Variants in GALNT10 observed in about 807,000 individuals in gnomAD.
GALNT10 encodes the protein GalNAc transferase 10.
GALNT10 carries 41 observed loss-of-function variants against 75.0 expected under a neutral mutation model. The observed-to-expected ratio is 0.55, with a 90% CI of 0.43 to 0.71. The LOEUF (loss-of-function observed/expected upper bound fraction) is 0.71, where lower values mean the gene tolerates loss of function less well. Ranked by LOEUF, GALNT10 falls within the 30% of genes least tolerant of loss-of-function variation. The pLI is 0.00. For missense variants in GALNT10, 727 were observed against 818.5 expected (o/e 0.89, Z 1.36); for synonymous variants, 302 against 313.0 (o/e 0.96, Z 0.37).
rs115150831 is a variant in GALNT10, at chr5:154,407,575, T to G, written c.1165-1966T>G. On this transcript the variant is annotated intron_variant, in intron 8 of 11. Transcript: ENST00000297107. ...TCAGAGTGTCCAGACTTGTTTTCAG[T>G]TGGAGTGAAACTACCCTCATTACCT... is the stretch of plus-strand genomic sequence containing the variant. Among the ~76,000 whole-genome samples, 21 of 152,292 alleles carry G rather than the reference T, an allele frequency of 1.4e-4. No individual in the cohort carries two copies. In the East Asian group the frequency reaches 4.0e-3, roughly 29 times the overall value.
rs544571278 is a variant in GALNT10 at position 154,324,831 on chromosome 5, A to C, written c.402-4741A>C. On this transcript the variant is annotated intron_variant, in intron 3 of 11. Coordinates refer to ENST00000297107, the MANE Select transcript of GALNT10 (RefSeq NM_198321.4). ...CCTCCTCTTATTCCTCTTCTGAACTAAAGCTAAATCATAGAGTTTATTGAA... is the reference window on the plus strand; with the variant it reads ...CCTCCTCTTATTCCTCTTCTGAACTCAAGCTAAATCATAGAGTTTATTGAA... Among the ~76,000 whole-genome samples, 185 of 152,322 alleles carry C rather than the reference A, an allele frequency of 1.2e-3. 1 individual carries two copies. The highest frequency in any genetic ancestry group is 4.2e-3 in the African/African-American group (175 of 41,576).
chr5:154,241,119 G>A (rs908425471), intron 1 of GALNT10, among the ~76,000 whole-genome samples: 4 of 152,144 alleles, frequency 2.6e-5, no homozygotes, highest in East Asian at 1.9e-4. Flanking sequence ...TGTCATTCTC[G>A]CTTTTGACTG....
chr5:154,316,615 C>T (rs957337686), intron 3 of GALNT10, among the ~76,000 whole-genome samples: 1 of 152,198 alleles, frequency 6.6e-6, no homozygotes, highest in African/African-American at 2.4e-5. Flanking sequence ...TTGCTTGTCC[C>T]CCACAACCCT....
At chr5:154,229,767 C>T (rs13163017) in intron 1 of GALNT10, among the ~76,000 whole-genome samples, 6,981 of 152,028 alleles carry the variant, frequency 0.046, 230 homozygotes, top group African/African-American at 0.099. Context: ...CATGCAATCA[C>T]GGACCAGGAC....
At chr5:154,248,995 A>G (rs189158687) in intron 1 of GALNT10, among the ~76,000 whole-genome samples, 6 of 152,364 alleles carry the variant, frequency 3.9e-5, no homozygotes, top group Admixed American at 2.6e-4. Context: ...TGGTTTTGAA[A>G]GAGCTCTCAG....
rs70978542 is a variant in GALNT10, at chr5:154,416,480, T to TACACACACACAC, written c.1654-307_1654-296dup. On this transcript the variant is annotated intron_variant, in intron 11 of 11. Transcript: ENST00000297107. This position sits in a 1 kb window ranked among gnomAD's most constrained non-coding sequence, Gnocchi z 4.5. ...AAATAAAAGATAAAAGGAAAGCACA[T>TACACACACACAC]ACACACACACACACACACACACACA... Among the ~76,000 whole-genome samples the TACACACACACAC allele has an allele frequency of 0.051, 7,190 of 141,822 alleles. 288 individuals carry two copies. The highest frequency in any genetic ancestry group is 0.082 in the East Asian group (395 of 4,824). 93.0% of individuals were successfully genotyped at this position (141,822 alleles called of 152,430 possible).
At chr5:154,382,408 C>T (rs1242878919) in intron 6 of GALNT10, among the ~76,000 whole-genome samples, 1 of 152,244 alleles carries the variant, frequency 6.6e-6, no homozygotes, top group African/African-American at 2.4e-5. Context: ...GCCATGATCA[C>T]ATTATGCAGT....
In GALNT10 at chr5:154,329,727, TCA is replaced by T; in HGVS notation, c.558_559del (p.Phe186LeufsTer2). On this transcript the variant is annotated frameshift_variant, in exon 4 of 12. Transcript: ENST00000297107. LOFTEE classifies it high-confidence loss of function. Reference sequence around the variant, plus strand: ...GCCGAGATTGTACTGGTCGACGACTTCAGTGATCGAGGTAGGATCCGTCCCAC... The same window carrying T: ...GCCGAGATTGTACTGGTCGACGACTTGTGATCGAGGTAGGATCCGTCCCAC... 1 of 1,612,986 alleles carries T rather than the reference TCA, an allele frequency of 6.2e-7. No homozygotes were observed. Among genetic ancestry groups the T allele is most frequent in the Non-Finnish European group, 8.5e-7 (1 of 1,179,060 alleles).
intron 1 of GALNT10, among the ~76,000 whole-genome samples, chr5:154,271,629 T>G (rs1025922263): frequency 3.9e-5 from 6 of 152,190 alleles, no homozygotes; most frequent in Non-Finnish European, 5.9e-5. Context: ...GCAGAAGTCA[T>G]TATGTCTATA....
chr5:154,282,700 G>A (rs1284863450), intron 1 of GALNT10, among the ~76,000 whole-genome samples: 1 of 152,184 alleles, frequency 6.6e-6, no homozygotes, highest in Admixed American at 6.5e-5. Context: ...AAGCCATTTA[G>A]TCATAGGATA....
At chr5:154,289,098 C>T (rs879473038) in intron 1 of GALNT10, among the ~76,000 whole-genome samples, 1 of 152,168 alleles carries the variant, frequency 6.6e-6, no homozygotes, top group Non-Finnish European at 1.5e-5. Context: ...TCCTATTCCT[C>T]CAAACATGGT....
chr5:154,408,399 G>A (rs1180077036), intron 8 of GALNT10, among the ~76,000 whole-genome samples: 1 of 152,178 alleles, frequency 6.6e-6, no homozygotes, highest in African/African-American at 2.4e-5. Context: ...TAAAATTGGG[G>A]TGGGGGGACA....
chr5:154,286,802 T>C (rs1754118677), intron 1 of GALNT10, among the ~76,000 whole-genome samples: 1 of 152,180 alleles, frequency 6.6e-6, no homozygotes, highest in African/African-American at 2.4e-5. Context: ...GCCCCATTGC[T>C]GATTGGAACA....
rs1302722319 is a variant in GALNT10 at position 154,419,798 on chromosome 5, T to C, written c.*2826T>C. ...TCAAGGATTCAGGTTTCTGCTCACATCCCCAGCTGATGCTCAATAAAACTC... is the reference window on the plus strand; with the variant it reads ...TCAAGGATTCAGGTTTCTGCTCACACCCCCAGCTGATGCTCAATAAAACTC... On this transcript the variant is annotated 3_prime_UTR_variant, in exon 12 of 12. Transcript: ENST00000297107. The C allele has an allele frequency of 1.3e-5, 2 of 152,150 alleles. No homozygotes were observed. Among genetic ancestry groups the C allele is most frequent in the African/African-American group, 4.8e-5 (2 of 41,426 alleles). The allele number at this position is 152,150 out of a possible 1,614,324, so 9.4% of individuals were successfully genotyped here. A position where few individuals can be genotyped will look rare whatever the true frequency, so the allele number is the denominator to read the frequency against.
In GALNT10 at chr5:154,329,682, G is replaced by A. The variant is rs111378217; in HGVS notation, c.512G>A (p.Arg171His). 2.4e-5 allele frequency: 39 copies of A among 1,613,370 alleles called. No homozygotes were observed. The highest frequency in any genetic ancestry group is 3.0e-5 in the Non-Finnish European group (35 of 1,179,480). Residue 171 changes from arginine to histidine, a missense_variant, in exon 4 of 12, where the codon CGC becomes CAC. Arg to His is a conservative substitution (Grantham distance 29, BLOSUM62 0). Transcript: ENST00000297107. ...CGCACCGTCCACAGTGTGCTCAATC[G>A]CTCGCCTCCAGAGCTGGTCGCCGAG... ...LLRTVHSVLN[R>H]SPPELVAEIV...
In GALNT10 at chr5:154,419,869, C is replaced by T. The variant is rs541237646; in HGVS notation, c.*2897C>T. The T allele has an allele frequency of 3.3e-5, 5 of 152,340 alleles. No homozygotes were observed. The highest frequency in any genetic ancestry group is 1.2e-4 in the African/African-American group (5 of 41,574). The allele number at this position is 152,340 out of a possible 1,614,324, so 9.4% of individuals were successfully genotyped here. A position where few individuals can be genotyped will look rare whatever the true frequency, so the allele number is the denominator to read the frequency against. ...GCTGACAGCCAGGTAATGGGTGAGA[C>T]TGTGGGGTCCCTTTTCCTCTAAAGC... On this transcript the variant is annotated 3_prime_UTR_variant, in exon 12 of 12. Transcript: ENST00000297107.
chr5:154,250,294 A>G (rs751542305), intron 1 of GALNT10, among the ~76,000 whole-genome samples: 11 of 152,124 alleles, frequency 7.2e-5, no homozygotes, highest in South Asian at 2.1e-4. Context: ...CTTACTTCCA[A>G]TTGTCTAGGT....
intron 4 of GALNT10, among the ~76,000 whole-genome samples, chr5:154,375,178 C>A (rs1426278251): frequency 2.6e-5 from 4 of 152,158 alleles, no homozygotes; most frequent in African/African-American, 9.7e-5. Flanking sequence ...TATGTCTAAT[C>A]CTTATGCCTT....
chr5:154,204,735 C>T (rs1445738284), intron 1 of GALNT10, among the ~76,000 whole-genome samples: 1 of 152,226 alleles, frequency 6.6e-6, no homozygotes, highest in South Asian at 2.1e-4. Flanking sequence ...GAGAGGGCTT[C>T]CGTGAACATA....
Sources: allele counts gnomAD v4.1 joint callset (sites outside exome capture counted in the v4.1 genomes callset), GRCh38; gene constraint gnomAD v4.1.1; non-coding constraint Gnocchi (gnomAD v3.1); transcripts MANE v1.5; gene names NCBI Gene and HGNC (gene_info 2026-07-23, HGNC 2026-07-21).